TRAPPC9: variants seen among roughly 807,000 people sequenced by gnomAD.
TRAPPC9 encodes trafficking protein particle complex subunit 9.
A neutral mutation model predicts 124.0 loss-of-function variants in TRAPPC9; 83 were observed. That is an observed-to-expected ratio of 0.67 (90% CI 0.56 to 0.80). The LOEUF is 0.80. TRAPPC9 is among the 30% of genes least tolerant of loss of function. TRAPPC9 has a pLI of 0.00. For synonymous variants in TRAPPC9, 638 were observed against 617.5 expected (o/e 1.03, Z -0.49); for missense variants, 1,302 against 1,508.3 (o/e 0.86, Z 2.27).
chr8:140,143,280 C>T (rs1461969499), intron 17 of TRAPPC9, among the ~76,000 whole-genome samples: 1 of 152,214 alleles, frequency 6.6e-6, no homozygotes, highest in Non-Finnish European at 1.5e-5. Context: ...GCCCTGGCAG[C>T]ATGATCTGTG....
chr8:140,458,329 A>T, upstream of TRAPPC9: 3 of 1,579,196 alleles, frequency 1.9e-6, no homozygotes, highest in South Asian at 2.3e-5. Flanking sequence ...TGTGAAGCTC[A>T]GGGGTGGAGG....
chr8:140,184,303 G>GA (rs901942265), intron 17 of TRAPPC9, among the ~76,000 whole-genome samples: 69 of 150,658 alleles, frequency 4.6e-4, no homozygotes, highest in Non-Finnish European at 7.1e-4. Context: ...AACACACAAG[G>GA]AAAAAAAAAG....
chr8:140,062,129 A>T (rs544866483), intron 17 of TRAPPC9, among the ~76,000 whole-genome samples: 1 of 152,278 alleles, frequency 6.6e-6, no homozygotes, highest in Admixed American at 6.5e-5. Context: ...ACCACCTGGG[A>T]GCCTGAGTGG....
intron 21 of TRAPPC9, among the ~76,000 whole-genome samples, chr8:139,740,550 A>G (rs1321878347): frequency 1.3e-5 from 2 of 152,194 alleles, no homozygotes; most frequent in South Asian, 2.1e-4. Context: ...GAGGTCAGAG[A>G]GCAGGTGCAG....
At chr8:139,897,660 G>A (rs991723255) in intron 20 of TRAPPC9, among the ~76,000 whole-genome samples, 1 of 152,228 alleles carries the variant, frequency 6.6e-6, no homozygotes, top group Non-Finnish European at 1.5e-5. Flanking sequence ...GGGATGTTAG[G>A]TAACGCTCCC....
At chr8:140,450,694 A>C in intron 2 of TRAPPC9, 96 bp downstream of exon 2, 1 of 982,052 alleles carries the variant, frequency 1.0e-6, no homozygotes. Flanking sequence ...CCAATGGACA[A>C]CACCTTTCTA....
chr8:140,149,272 AG>A (rs1453337621), intron 17 of TRAPPC9, among the ~76,000 whole-genome samples: 1 of 152,178 alleles, frequency 6.6e-6, no homozygotes, highest in South Asian at 2.1e-4. Context: ...CCAATGGACC[AG>A]GAAGTTCAAA....
intron 17 of TRAPPC9, among the ~76,000 whole-genome samples, chr8:140,144,624 G>T (rs1269183697): frequency 6.6e-6 from 1 of 151,844 alleles, no homozygotes; most frequent in African/African-American, 2.4e-5. Flanking sequence ...GAGTAGCTGG[G>T]ATTACAGGCA....
intron 19 of TRAPPC9, among the ~76,000 whole-genome samples, chr8:139,968,160 C>CA (rs1239038652): frequency 1.3e-4 from 20 of 150,910 alleles, no homozygotes; most frequent in African/African-American, 3.4e-4. Context: ...AAAAAAAAAC[C>CA]AAAAAACAAA....
chr8:140,049,090 A>T (rs1354047638), intron 17 of TRAPPC9, among the ~76,000 whole-genome samples: 1 of 152,188 alleles, frequency 6.6e-6, no homozygotes, highest in Non-Finnish European at 1.5e-5. Context: ...CCCCGCGATG[A>T]CGGAACTGGC....
chr8:139,925,753 A>G (rs1038139474), intron 19 of TRAPPC9, among the ~76,000 whole-genome samples: 3 of 151,940 alleles, frequency 2.0e-5, no homozygotes, highest in Admixed American at 6.5e-5. Context: ...ATCTTAAAAA[A>G]AAAAAAAAAA....
intron 15 of TRAPPC9, among the ~76,000 whole-genome samples, chr8:140,267,957 C>T (rs1399552883): frequency 1.3e-5 from 2 of 152,140 alleles, no homozygotes; most frequent in South Asian, 2.1e-4. Context: ...TGAGCCACCA[C>T]ACCCAGCTGA....
chr8:139,995,217 G>A (rs979270999), intron 18 of TRAPPC9, among the ~76,000 whole-genome samples: 5 of 152,204 alleles, frequency 3.3e-5, no homozygotes, highest in Admixed American at 2.0e-4. Flanking sequence ...GAAAGGCAGC[G>A]TGGACTCCAG....
At chr8:140,396,567 C>G (rs2069104005) in intron 7 of TRAPPC9, among the ~76,000 whole-genome samples, 1 of 151,090 alleles carries the variant, frequency 6.6e-6, no homozygotes, top group African/African-American at 2.4e-5. Flanking sequence ...TCCCTCTCCT[C>G]CCCTACCTCT....
chr8:140,189,184 C>T (rs2062423685), intron 17 of TRAPPC9, among the ~76,000 whole-genome samples: 1 of 152,208 alleles, frequency 6.6e-6, no homozygotes, highest in Non-Finnish European at 1.5e-5. Flanking sequence ...CCTAAGTGGC[C>T]TAACACATGC....
chr8:140,430,712 C>T (rs1481787910), intron 4 of TRAPPC9, among the ~76,000 whole-genome samples: 1 of 152,192 alleles, frequency 6.6e-6, no homozygotes, highest in Non-Finnish European at 1.5e-5. Context: ...AATCTCAGCT[C>T]ACTGCAACCT....
chr8:140,016,726 A>G (rs950750678), intron 18 of TRAPPC9, among the ~76,000 whole-genome samples: 1 of 152,172 alleles, frequency 6.6e-6, no homozygotes, highest in African/African-American at 2.4e-5. Context: ...GTTTGGAGTT[A>G]TTAGGAATAA....
intron 17 of TRAPPC9, among the ~76,000 whole-genome samples, chr8:140,083,372 T>C (rs905557665): frequency 6.6e-6 from 1 of 152,138 alleles, no homozygotes; most frequent in Non-Finnish European, 1.5e-5. Flanking sequence ...TCTGATAACA[T>C]CGCTGACAGT....
intron 21 of TRAPPC9, among the ~76,000 whole-genome samples, chr8:139,878,385 T>A (rs1343346204): frequency 6.6e-6 from 1 of 152,198 alleles, no homozygotes; most frequent in Admixed American, 6.5e-5. Flanking sequence ...AGGCTGTTTT[T>A]TTATCTATGT....
Sources: gnomAD v4.1 joint callset for allele counts (sites outside exome capture counted in the v4.1 genomes callset) on GRCh38, gnomAD v4.1.1 for gene constraint, MANE v1.5 for transcripts, NCBI Gene and HGNC (gene_info 2026-07-23, HGNC 2026-07-21) for gene names.